Variants in DPP10 observed in about 807,000 individuals in gnomAD.
The protein encoded by DPP10 is dipeptidyl peptidase like 10.
DPP10 carries 33 observed loss-of-function variants against 120.9 expected under a neutral mutation model. That is an observed-to-expected ratio of 0.27 (90% CI 0.21 to 0.37). The LOEUF is 0.37. Ranked by LOEUF, DPP10 falls within the 10% of genes least tolerant of loss-of-function variation. DPP10 has a pLI of 1.00. For missense variants in DPP10, 816 were observed against 942.8 expected, an observed-to-expected ratio of 0.87 and a Z score of 1.76; for synonymous variants, 337 against 326.1, an observed-to-expected ratio of 1.03 and a Z score of -0.36.
Position 115,751,796 on chromosome 2 carries a change from T to TG in DPP10, c.951-1378_951-1377insG, listed in dbSNP as rs757922449. ...ACTGGGTTAATTAACTGTGTTTTTT[T>TG]TTTGTTGTTTTTTTTTTTTTGAGAC... is the stretch of plus-strand genomic sequence containing the variant. On this transcript the variant is annotated intron_variant, in intron 10 of 25. Transcript: ENST00000410059. Among the ~76,000 whole-genome samples, 531 of 102,126 alleles carry TG rather than the reference T, an allele frequency of 5.2e-3. 4 individuals are homozygous for TG. The highest frequency in any genetic ancestry group is 8.7e-3 in the Non-Finnish European group (371 of 42,608). 67.0% of individuals were successfully genotyped at this position (102,126 alleles called of 152,430 possible).
At chr2:115,673,151 C>T (rs1310293044) in intron 5 of DPP10, among the ~76,000 whole-genome samples, 1 of 152,122 alleles carries the variant, frequency 6.6e-6, no homozygotes, top group African/African-American at 2.4e-5. Flanking sequence ...TTTTCCTCTA[C>T]TCTCTCTCCA....
At chr2:115,633,830 T>A (rs529531259) in intron 5 of DPP10, among the ~76,000 whole-genome samples, 19 of 152,304 alleles carry the variant, frequency 1.2e-4, no homozygotes, top group African/African-American at 4.6e-4. Context: ...TGTTCACCTG[T>A]CTTGGTAGGT....
chr2:115,141,280 T>G (rs544422912), intron 1 of DPP10, among the ~76,000 whole-genome samples: 3 of 152,298 alleles, frequency 2.0e-5, no homozygotes, highest in African/African-American at 7.2e-5. Flanking sequence ...ATTCTCAAAC[T>G]AACACTCATA....
intron 5 of DPP10, among the ~76,000 whole-genome samples, chr2:115,585,048 G>A (rs2082207245): frequency 6.6e-6 from 1 of 152,068 alleles, no homozygotes; most frequent in South Asian, 2.1e-4. Context: ...ACATATGCTG[G>A]CGAAGTTATA....
intron 1 of DPP10, among the ~76,000 whole-genome samples, chr2:114,448,456 C>T (rs746710): frequency 1.7e-4 from 26 of 151,950 alleles, no homozygotes; most frequent in African/African-American, 5.8e-4. Context: ...GAAGCATGGA[C>T]GTAGTAAGCT....
intron 1 of DPP10, among the ~76,000 whole-genome samples, chr2:114,594,210 A>G (rs899051221): frequency 6.6e-6 from 1 of 152,032 alleles, no homozygotes; most frequent in African/African-American, 2.4e-5. Context: ...CCCAGCATAC[A>G]TCTTTCTCCT....
At chr2:114,654,137 T>C (rs1696805852) in intron 1 of DPP10, among the ~76,000 whole-genome samples, 2 of 152,188 alleles carry the variant, frequency 1.3e-5, no homozygotes, top group Admixed American at 1.3e-4. Context: ...ACCCCTACTG[T>C]CCTACTGCTA....
chr2:115,723,209 C>G (rs1017126039), intron 7 of DPP10, among the ~76,000 whole-genome samples: 3 of 152,172 alleles, frequency 2.0e-5, no homozygotes, highest in African/African-American at 7.2e-5. Flanking sequence ...GACTGACGAC[C>G]AACAGACAAC....
At chr2:114,730,851 A>G (rs1676837035) in intron 1 of DPP10, among the ~76,000 whole-genome samples, 1 of 151,682 alleles carries the variant, frequency 6.6e-6, no homozygotes, top group Non-Finnish European at 1.5e-5. Context: ...TGGCCTCACA[A>G]AGTGCTGGGA....
intron 1 of DPP10, among the ~76,000 whole-genome samples, chr2:115,119,263 C>T (rs1239051634): frequency 6.6e-6 from 1 of 152,122 alleles, no homozygotes; most frequent in Non-Finnish European, 1.5e-5. Flanking sequence ...AGTTAAACTG[C>T]ATCATTTTGT....
chr2:115,565,327 C>T lies in DPP10; in HGVS notation c.441+39355C>T, dbSNP rs1254309937. 2.0e-5 allele frequency among the ~76,000 whole-genome samples: 3 copies of T among 152,180 alleles called. No individual in the cohort carries two copies. The South Asian group carries it at 6.2e-4, about 31-fold the overall frequency. On this transcript the variant is annotated intron_variant, in intron 5 of 25. Coordinates refer to ENST00000410059, the MANE Select transcript of DPP10 (RefSeq NM_020868.6). ...TTTTATGTACATACACATTTACATACATTAATATATAGCTATTTTTTCTGA... is the reference window on the plus strand; with the variant it reads ...TTTTATGTACATACACATTTACATATATTAATATATAGCTATTTTTTCTGA...
At chr2:115,714,258 A>G (rs1055254647) in intron 7 of DPP10, among the ~76,000 whole-genome samples, 12 of 152,168 alleles carry the variant, frequency 7.9e-5, no homozygotes, top group Non-Finnish European at 1.2e-4. Flanking sequence ...CTTAATTGTT[A>G]TATTACAGTA....
intron 1 of DPP10, among the ~76,000 whole-genome samples, chr2:114,624,135 T>C (rs957776722): frequency 9.9e-5 from 15 of 151,950 alleles, no homozygotes; most frequent in African/African-American, 3.4e-4. Context: ...GAAGAGGTAA[T>C]GGTTAGTTCT....
intron 1 of DPP10, among the ~76,000 whole-genome samples, chr2:115,079,822 C>T (rs1708118126): frequency 6.6e-6 from 1 of 152,130 alleles, no homozygotes; most frequent in Non-Finnish European, 1.5e-5. Flanking sequence ...AAAAAAAGGT[C>T]AACAGAGAAA....
intron 5 of DPP10, among the ~76,000 whole-genome samples, chr2:115,686,169 G>T (rs1445712657): frequency 6.6e-6 from 1 of 151,874 alleles, no homozygotes; most frequent in Non-Finnish European, 1.5e-5. Flanking sequence ...CTTTCTGTTG[G>T]TCATGTTCCT....
chr2:115,469,884 G>GAAAAAAA (rs1212190142), intron 3 of DPP10, among the ~76,000 whole-genome samples: 41 of 75,430 alleles, frequency 5.4e-4, no homozygotes, highest in Non-Finnish European at 7.6e-4. Context: ...GGCAACAAGA[G>GAAAAAAA]AAAAAAAAAA....
chr2:114,724,341 T>TA (rs1335051619), intron 1 of DPP10, among the ~76,000 whole-genome samples: 1 of 152,212 alleles, frequency 6.6e-6, no homozygotes, highest in East Asian at 1.9e-4. Flanking sequence ...TAATCAATGT[T>TA]ATCGCTGTAT....
intron 1 of DPP10, among the ~76,000 whole-genome samples, chr2:115,136,615 G>T (rs770309406): frequency 2.0e-5 from 3 of 151,932 alleles, no homozygotes; most frequent in Non-Finnish European, 4.4e-5. Context: ...AAGGGGAAAT[G>T]CTTCTAACAA....
intron 1 of DPP10, among the ~76,000 whole-genome samples, chr2:114,723,457 G>A (rs1701836077): frequency 6.6e-6 from 1 of 152,158 alleles, no homozygotes; most frequent in Non-Finnish European, 1.5e-5. Flanking sequence ...GGTTAGGCAA[G>A]ACTTCTGTCG....
Sources: allele counts gnomAD v4.1 joint callset (sites outside exome capture counted in the v4.1 genomes callset), GRCh38; gene constraint gnomAD v4.1.1; transcripts MANE v1.5; gene names NCBI Gene and HGNC (gene_info 2026-07-23, HGNC 2026-07-21).